MYRIP: variants seen among roughly 807,000 people sequenced by gnomAD.
The protein encoded by MYRIP is myosin VIIA and Rab interacting protein, also known as rab effector MyRIP.
Under a neutral mutation model 98.0 loss-of-function variants are expected in MYRIP, and 49 were observed. That is an observed-to-expected ratio of 0.50 (90% CI 0.40 to 0.63). MYRIP has a LOEUF of 0.63. MYRIP is among the 30% of genes least tolerant of loss of function. The pLI is 0.00. For missense variants in MYRIP, 1,004 were observed against 1,058.2 expected (o/e 0.95, Z 0.71); for synonymous variants, 404 against 409.5 (o/e 0.99, Z 0.16).
intron 10 of MYRIP, among the ~76,000 whole-genome samples, chr3:40,192,319 T>TGA (rs111696896): frequency 4.6e-5 from 1 of 21,720 alleles, no homozygotes; most frequent in African/African-American, 8.5e-5. Context: ...CATATATATA[T>TGA]ATATATGTCA....
intron 3 of MYRIP, among the ~76,000 whole-genome samples, chr3:40,150,080 CTT>C (rs879856249): frequency 6.8e-6 from 1 of 146,570 alleles, no homozygotes; most frequent in Admixed American, 6.8e-5. Flanking sequence ...TCTTGTCTTT[CTT>C]TTTTTTTTTA....
intron 11 of MYRIP, among the ~76,000 whole-genome samples, chr3:40,230,451 T>C (rs1013312007): frequency 2.6e-5 from 4 of 152,254 alleles, no homozygotes; most frequent in Non-Finnish European, 2.9e-5. Flanking sequence ...GAGGTGCTTT[T>C]CACTTTTCTC....
chr3:40,063,236 A>C (rs1948054865), intron 3 of MYRIP, among the ~76,000 whole-genome samples: 1 of 152,212 alleles, frequency 6.6e-6, no homozygotes, highest in Non-Finnish European at 1.5e-5. Flanking sequence ...CTGATCCTTG[A>C]TCAACTCCTA....
chr3:40,160,988 A>T (rs751029889), intron 4 of MYRIP, among the ~76,000 whole-genome samples: 10 of 152,206 alleles, frequency 6.6e-5, no homozygotes, highest in Non-Finnish European at 1.5e-4. Context: ...TGGGAGCTGT[A>T]GACCGGAGCT....
chr3:40,134,241 G>A (rs78299249), intron 3 of MYRIP, among the ~76,000 whole-genome samples: 135 of 152,340 alleles, frequency 8.9e-4, no homozygotes, highest in Non-Finnish European at 1.7e-3. Flanking sequence ...ATTATATCCC[G>A]CACCTGGCTC....
rs115850663 is a variant in MYRIP at position 40,186,150 on chromosome 3, A to T, written c.1028-3676A>T. ...CAAGGAAGGAAGGCCAAGCATATGCAATTGAGGAGTGATGTATAAGTCAAG... is the reference window on the plus strand; with the variant it reads ...CAAGGAAGGAAGGCCAAGCATATGCTATTGAGGAGTGATGTATAAGTCAAG... On this transcript the variant is annotated intron_variant, in intron 9 of 16. Coordinates refer to ENST00000302541, the MANE Select transcript of MYRIP (RefSeq NM_015460.4). 7.9e-4 allele frequency among the ~76,000 whole-genome samples: 121 copies of T among 152,282 alleles called. 1 individual carries two copies. In the Middle Eastern group the frequency reaches 0.01, roughly 13 times the overall value.
rs1317801173 is a variant in MYRIP at position 40,190,195 on chromosome 3, T to A, written c.1397T>A (p.Val466Asp). ...ETSSAGSSRE[V>D]GHQARLSWLQ... ...TCCTCCGCAGGCTCTTCCCGAGAAG[T>A]TGGGCACCAGGCCAGACTGTCCTGG... The change falls in exon 10 of 17, where the codon GTT becomes GAT. Residue 466 changes from valine to aspartate, a missense_variant. Physicochemically the swap from Val to Asp is radical, Grantham distance 152. Around this residue, in one of 3 missense-constraint regions of MYRIP, gnomAD observed 880 missense variants for 907.7 expected, o/e 0.97. Transcript: ENST00000302541. 1.2e-6 allele frequency: 2 copies of A among 1,613,588 alleles called. No individual in the cohort carries two copies. The highest frequency in any genetic ancestry group is 1.7e-6 in the Non-Finnish European group (2 of 1,179,860).
intron 2 of MYRIP, among the ~76,000 whole-genome samples, chr3:39,934,643 G>A (rs894397773): frequency 1.2e-4 from 19 of 152,186 alleles, no homozygotes; most frequent in African/African-American, 4.6e-4. Context: ...TTTAAGATGT[G>A]CACAATCTGG....
chr3:39,828,465 T>TTATA (rs150044293), intron 1 of MYRIP, among the ~76,000 whole-genome samples: 1 of 151,002 alleles, frequency 6.6e-6, no homozygotes, highest in African/African-American at 2.4e-5. Context: ...TTCTGGCAAT[T>TTATA]TATATATATA....
At chr3:39,998,563 C>T (rs1946430267) in intron 2 of MYRIP, among the ~76,000 whole-genome samples, 1 of 152,128 alleles carries the variant, frequency 6.6e-6, no homozygotes, top group African/African-American at 2.4e-5. Flanking sequence ...TCCATGCTCA[C>T]AGGTAGGAAG....
chr3:40,236,939 A>C (rs113850910), intron 12 of MYRIP, among the ~76,000 whole-genome samples: 2 of 152,130 alleles, frequency 1.3e-5, no homozygotes, highest in South Asian at 2.1e-4. Context: ...TTGGCCTCCC[A>C]CAGGGCTGGG....
At chr3:40,159,546 T>C (rs1950329404) in intron 4 of MYRIP, among the ~76,000 whole-genome samples, 1 of 151,668 alleles carries the variant, frequency 6.6e-6, no homozygotes, top group Non-Finnish European at 1.5e-5. Context: ...TGGCCTGCCT[T>C]GCTAGATTGG....
At chr3:40,189,228 C>A (rs1951127379) in intron 9 of MYRIP, among the ~76,000 whole-genome samples, 1 of 152,230 alleles carries the variant, frequency 6.6e-6, no homozygotes, top group Non-Finnish European at 1.5e-5. Flanking sequence ...CATAAAATGA[C>A]ATTGGAAATA....
chr3:40,230,928 C>T (rs1033136631), intron 11 of MYRIP, among the ~76,000 whole-genome samples: 56 of 151,816 alleles, frequency 3.7e-4, no homozygotes, highest in African/African-American at 1.3e-3. Flanking sequence ...CAGGTTCAAG[C>T]AATTCTGCTG....
At chr3:39,836,873 T>C (rs191453666) in intron 1 of MYRIP, among the ~76,000 whole-genome samples, 6 of 152,294 alleles carry the variant, frequency 3.9e-5, no homozygotes, top group South Asian at 4.2e-4. Context: ...GTAAATACTA[T>C]TGGGGGCAAT....
chr3:39,833,226 G>T (rs1343169441), intron 1 of MYRIP, among the ~76,000 whole-genome samples: 1 of 152,308 alleles, frequency 6.6e-6, no homozygotes, highest in South Asian at 2.1e-4. Flanking sequence ...GGTTGTATTT[G>T]TTTGATGGTG....
At position 40,113,494 on chromosome 3, in the gene MYRIP, A is replaced by G. The variant is rs28557404; in HGVS notation, c.333-37554A>G. Among the ~76,000 whole-genome samples, 1,092 of 152,240 alleles carry G rather than the reference A, an allele frequency of 7.2e-3. 18 individuals are homozygous for G. Among genetic ancestry groups the G allele is most frequent in the African/African-American group, 0.025 (1,034 of 41,558 alleles). ...CTCAGTCCATGGGGAGATTTAGTAA[A>G]TGAAGTGATGTCTCAGAGCCATATG... On this transcript the variant is annotated intron_variant, in intron 3 of 16. Transcript: ENST00000302541.
At chr3:39,946,991 AAGT>A (rs1944918166) in intron 2 of MYRIP, among the ~76,000 whole-genome samples, 3 of 152,222 alleles carry the variant, frequency 2.0e-5, no homozygotes, top group Admixed American at 2.0e-4. Flanking sequence ...AAATGGGACA[AAGT>A]AGGATTTTAA....
chr3:39,918,022 G>A (rs1263585355), intron 2 of MYRIP, among the ~76,000 whole-genome samples: 3 of 151,814 alleles, frequency 2.0e-5, no homozygotes, highest in Non-Finnish European at 4.4e-5. Flanking sequence ...AGCTTCCCAG[G>A]TTCACGCCAT....
Sources: gnomAD v4.1 joint callset for allele counts (sites outside exome capture counted in the v4.1 genomes callset) on GRCh38, gnomAD v4.1.1 for gene constraint, gnomAD v4.1.1 regional missense constraint, MANE v1.5 for transcripts, NCBI Gene and HGNC (gene_info 2026-07-23, HGNC 2026-07-21) for gene names.